DSTYK: variants seen among roughly 807,000 people sequenced by gnomAD.
DSTYK encodes the protein RIP-homologous kinase.
A neutral mutation model predicts 98.7 loss-of-function variants in DSTYK; 34 were observed. The ratio of observed to expected loss-of-function variants is 0.34; its 90% confidence interval spans 0.26 to 0.46. The LOEUF (loss-of-function observed/expected upper bound fraction) is 0.46. Ranked by LOEUF, DSTYK falls within the 20% of genes least tolerant of loss-of-function variation. The pLI is 1.00. For missense variants in DSTYK, 962 were observed against 1,181.7 expected (o/e 0.81, Z 2.73); for synonymous variants, 462 against 457.3 (o/e 1.01, Z -0.13).
chr1:205,202,398 T>A, intron 1 of DSTYK: 1 of 740,666 alleles, frequency 1.4e-6, no homozygotes, highest in South Asian at 1.3e-5. Flanking sequence ...CGTTGGTTGG[T>A]GTGCCCAGGC....
At chr1:205,148,811 C>T (rs147429493) in intron 11 of DSTYK, among the ~76,000 whole-genome samples, 2 of 151,288 alleles carry the variant, frequency 1.3e-5, no homozygotes, top group African/African-American at 4.9e-5. Flanking sequence ...AAGATGATTC[C>T]AACAGCAATA....
At chr1:205,181,656 T>G (rs7529448) in intron 2 of DSTYK, among the ~76,000 whole-genome samples, 26,273 of 142,626 alleles carry the variant, frequency 0.18, 3,195 homozygotes, top group East Asian at 0.39. Context: ...ATGTTGGGGT[T>G]TGTGTGTGTG....
In DSTYK at chr1:205,146,216, A is replaced by T. The variant is rs550599997; in HGVS notation, c.*1342T>A. On this transcript the variant is annotated 3_prime_UTR_variant, in exon 13 of 13. Transcript: ENST00000367162. ...GTCAGTGTGTTAGATTCAAACACAAAAAGAAAAATTTCTGATTGTGTTAAG... is the reference window on the plus strand; with the variant it reads ...GTCAGTGTGTTAGATTCAAACACAATAAGAAAAATTTCTGATTGTGTTAAG... The T allele has an allele frequency of 5.9e-5, 9 of 152,334 alleles. No homozygotes were observed. The highest frequency in any genetic ancestry group is 7.2e-5 in the African/African-American group (3 of 41,572). 9.4% of individuals were successfully genotyped at this position (152,334 alleles called of 1,614,324 possible).
At chr1:205,202,590 T>A in intron 1 of DSTYK, 2 of 1,054,430 alleles carry the variant, frequency 1.9e-6, no homozygotes, top group South Asian at 2.5e-5. Context: ...GAGCTCATGG[T>A]CGGATTAACC....
At chr1:205,187,925 A>G (rs1006002122) in intron 1 of DSTYK, 119 bp from the exon 2 acceptor site, 2 of 1,000,384 alleles carry the variant, frequency 2.0e-6, no homozygotes, top group African/African-American at 1.6e-5. Context: ...TAGAGGAGAA[A>G]TTTCTAGGAA....
intron 2 of DSTYK, among the ~76,000 whole-genome samples, chr1:205,175,013 A>G (rs894957454): frequency 3.3e-5 from 5 of 151,952 alleles, no homozygotes; most frequent in African/African-American, 9.7e-5. Flanking sequence ...CGGGGATTAC[A>G]GGCACCAGCC....
At chr1:205,164,034 A>G in intron 3 of DSTYK, 79 bp from the exon 4 acceptor site, 2 of 1,202,046 alleles carry the variant, frequency 1.7e-6, no homozygotes, top group Non-Finnish European at 2.4e-6. Context: ...CTCCCAAATC[A>G]GAACCATGGA....
In DSTYK at chr1:205,163,503, G is replaced by A. The variant is rs113428324; in HGVS notation, c.1557+220C>T. Among the ~76,000 whole-genome samples, 3,424 of 152,320 alleles carry A rather than the reference G, an allele frequency of 0.022. 96 individuals are homozygous for A. The highest frequency in any genetic ancestry group is 0.068 in the African/African-American group (2,842 of 41,566). On this transcript the variant is annotated intron_variant, in intron 4 of 12. Transcript: ENST00000367162. ...CAAAGTGCTGGGATTACAGGCGTGA[G>A]CCACTGTGCCTGGCCTATATTCATC...
intron 2 of DSTYK, among the ~76,000 whole-genome samples, chr1:205,178,793 G>A (rs111506818): frequency 1.3e-5 from 2 of 152,208 alleles, no homozygotes; most frequent in South Asian, 2.1e-4. Context: ...ACTGTGGTAG[G>A]TGCTTTCAAC....
chr1:205,200,743 A>G (rs1659007836), intron 1 of DSTYK, among the ~76,000 whole-genome samples: 6 of 152,168 alleles, frequency 3.9e-5, no homozygotes, highest in Admixed American at 3.9e-4. Context: ...GAGTGAATGA[A>G]TATTAAGAAT....
chr1:205,209,593 AAG>A (rs1440668270), intron 1 of DSTYK, among the ~76,000 whole-genome samples: 15 of 149,320 alleles, frequency 1.0e-4, no homozygotes, highest in East Asian at 6.0e-4. Context: ...GGAATTTAAA[AAG>A]CCTTATTTTA....
intron 2 of DSTYK, among the ~76,000 whole-genome samples, chr1:205,174,909 GTTTTTTTAGTA>G (rs1658184379): frequency 6.7e-6 from 1 of 150,190 alleles, no homozygotes; most frequent in Non-Finnish European, 1.5e-5. Flanking sequence ...GGCTAATTTT[GTTTTTTTAGTA>G]GAGATGGGGT....
intron 6 of DSTYK, 88 bp downstream of exon 6, chr1:205,161,948 T>C: frequency 7.8e-7 from 1 of 1,290,188 alleles, no homozygotes; most frequent in Non-Finnish European, 1.1e-6. Flanking sequence ...ACACATATTA[T>C]ATATGAAGAG....
Position 205,169,458 on chromosome 1 carries a change from C to T in DSTYK, c.1029G>A (p.Leu343=). 1.2e-6 allele frequency: 2 copies of T among 1,614,122 alleles called. No homozygotes were observed. Among genetic ancestry groups the T allele is most frequent in the Non-Finnish European group, 1.7e-6 (2 of 1,180,032 alleles). ...GTAACACCTGGTGAGAAAATGTGCT[C>T]AAGTGTCTCAGCTTTTCACTCTGTT... is the stretch of plus-strand genomic sequence containing the variant. The part of the protein sequence containing the change: ...LVEQSEKLRH[L]STFSHQVLQT... The change falls in exon 3 of 13, where the codon TTG becomes TTA. Residue 343 remains leucine, a synonymous_variant. Coordinates refer to ENST00000367162, the MANE Select transcript of DSTYK (RefSeq NM_015375.3). This position sits in a 1 kb window ranked among gnomAD's most constrained non-coding sequence, Gnocchi z 4.0.
In DSTYK at chr1:205,144,330, C is replaced by T. The variant is rs1356932975; in HGVS notation, c.*3228G>A. ...CTTTCATGCCATCCTTTTTCTTCCTCCAGCCACAATCTCACCTCACCACTT... is the reference window on the plus strand; with the variant it reads ...CTTTCATGCCATCCTTTTTCTTCCTTCAGCCACAATCTCACCTCACCACTT... On this transcript the variant is annotated 3_prime_UTR_variant, in exon 13 of 13. Coordinates refer to ENST00000367162, the MANE Select transcript of DSTYK (RefSeq NM_015375.3). 1 of 152,624 alleles carries T rather than the reference C, an allele frequency of 6.6e-6. No homozygotes were observed. The highest frequency in any genetic ancestry group is 1.9e-4 in the East Asian group (1 of 5,206). 9.5% of individuals were successfully genotyped at this position (152,624 alleles called of 1,614,324 possible).
At chr1:205,157,444 C>A in intron 9 of DSTYK, 58 bp from the exon 10 acceptor site, 2 of 1,392,862 alleles carry the variant, frequency 1.4e-6, no homozygotes, top group East Asian at 4.6e-5. Context: ...ATTCAACTGA[C>A]TATACTAGGG....
At chr1:205,181,832 C>T (rs557353607) in intron 2 of DSTYK, among the ~76,000 whole-genome samples, 1 of 151,980 alleles carries the variant, frequency 6.6e-6, no homozygotes, top group Non-Finnish European at 1.5e-5. Flanking sequence ...CAGGTGTACA[C>T]CTCCACACCT....
Position 205,174,681 on chromosome 1 carries a change from CA to C in DSTYK, c.655-4850del, listed in dbSNP as rs562580227. Among the ~76,000 whole-genome samples, 20 of 139,382 alleles carry C rather than the reference CA, an allele frequency of 1.4e-4. No homozygotes were observed. The East Asian group carries it at 2.3e-3, about 16-fold the overall frequency. 91.4% of individuals were successfully genotyped at this position (139,382 alleles called of 152,430 possible). On this transcript the variant is annotated intron_variant, in intron 2 of 12. Transcript: ENST00000367162. ...CTGGGCAACAGAGTGAGATACTGTCCAAAAAAAAAATTACTTAATTAATTAA... is the reference window on the plus strand; with the variant it reads ...CTGGGCAACAGAGTGAGATACTGTCCAAAAAAAAATTACTTAATTAATTAA...
At chr1:205,152,775 A>G (rs994573151) in intron 10 of DSTYK, among the ~76,000 whole-genome samples, 1 of 152,106 alleles carries the variant, frequency 6.6e-6, no homozygotes, top group Non-Finnish European at 1.5e-5. Context: ...GTCAGTGCCC[A>G]GAAACTTTTG....
Sources: gnomAD v4.1 joint callset for allele counts (sites outside exome capture counted in the v4.1 genomes callset) on GRCh38, gnomAD v4.1.1 for gene constraint, Gnocchi (gnomAD v3.1) non-coding constraint, MANE v1.5 for transcripts, NCBI Gene and HGNC (gene_info 2026-07-23, HGNC 2026-07-21) for gene names.